TET3: variants seen among roughly 807,000 people sequenced by gnomAD.
TET3 encodes methylcytosine dioxygenase TET3.
Under a neutral mutation model 141.4 loss-of-function variants are expected in TET3, and 19 were observed. The observed-to-expected ratio is 0.13, with a 90% confidence interval of 0.09 to 0.20. TET3 has a LOEUF of 0.20. TET3 is among the 10% of genes least tolerant of loss of function. TET3 has a pLI of 1.00. For synonymous variants in TET3, 1,043 were observed against 980.9 expected (o/e 1.06, Z -1.18); for missense variants, 1,874 against 2,356.9 (o/e 0.80, Z 4.24).
chr2:74,087,775 A>G lies in TET3; in HGVS notation c.2680-55A>G. On this transcript the variant is annotated intron_variant, in intron 6 of 11. Transcript: ENST00000409262. This position sits in a 1 kb window ranked among gnomAD's most constrained non-coding sequence, Gnocchi z 4.3. ...GTGTGACAAAGGGAGGGGTGGCACC[A>G]TGCAGAGGAGCACGGGTACCTGGCT... 6.7e-7 allele frequency: 1 copy of G among 1,491,416 alleles called. No individual in the cohort carries two copies. Among genetic ancestry groups the G allele is most frequent in the Non-Finnish European group, 9.0e-7 (1 of 1,110,030 alleles). The allele number at this position is 1,491,416 out of a possible 1,614,324, so 92.4% of individuals were successfully genotyped here.
chr2:74,036,909 A>G (rs1264398032), intron 3 of TET3, among the ~76,000 whole-genome samples: 1 of 152,192 alleles, frequency 6.6e-6, no homozygotes, highest in Admixed American at 6.5e-5. Context: ...CCAGCCACTG[A>G]CAGATTTGCT....
intron 2 of TET3, among the ~76,000 whole-genome samples, chr2:74,001,307 G>A (rs1305016094): frequency 2.0e-5 from 3 of 152,164 alleles, no homozygotes; most frequent in Non-Finnish European, 4.4e-5. Context: ...GGGTAGGAGA[G>A]CGAATCACTG....
intron 1 of TET3, among the ~76,000 whole-genome samples, 178 bp downstream of exon 1, chr2:73,985,335 T>TGGCGG (rs1248914347): frequency 9.9e-3 from 40 of 4,034 alleles, no homozygotes; most frequent in South Asian, 0.044. Flanking sequence ...CGGGCGGGGG[T>TGGCGG]GGCGGGGCGG....
Position 74,104,344 on chromosome 2 carries a change from T to C in TET3, c.*2168T>C, listed in dbSNP as rs973077069. On this transcript the variant is annotated 3_prime_UTR_variant, in exon 12 of 12. Coordinates refer to ENST00000409262, the MANE Select transcript of TET3 (RefSeq NM_001287491.2). ...TAGAATTATTCAGAACTCAGATTTA[T>C]AGGAAAACCTCTGACCTTCAGTTTG... 1 of 152,192 alleles carries C rather than the reference T, an allele frequency of 6.6e-6. No individual in the cohort carries two copies. The highest frequency in any genetic ancestry group is 2.4e-5 in the African/African-American group (1 of 41,438). 9.4% of individuals were successfully genotyped at this position (152,192 alleles called of 1,614,324 possible).
intron 6 of TET3, among the ~76,000 whole-genome samples, chr2:74,085,799 A>G (rs1169129797): frequency 1.3e-5 from 2 of 152,014 alleles, no homozygotes; most frequent in Non-Finnish European, 2.9e-5. Flanking sequence ...CCCCTGCTCT[A>G]AGGTACCTCA....
intron 3 of TET3, among the ~76,000 whole-genome samples, chr2:74,012,057 C>A (rs920492520): frequency 6.6e-6 from 1 of 152,174 alleles, no homozygotes; most frequent in Non-Finnish European, 1.5e-5. Flanking sequence ...ACTTCCCAGG[C>A]TCAAGCCATC....
Position 74,105,397 on chromosome 2 carries a change from G to T in TET3, c.*3221G>T, listed in dbSNP as rs747263779. The T allele has an allele frequency of 2.5e-6, 1 of 398,418 alleles. No homozygotes were observed. Among genetic ancestry groups the T allele is most frequent in the Non-Finnish European group, 4.4e-6 (1 of 226,060 alleles). 24.7% of individuals were successfully genotyped at this position (398,418 alleles called of 1,614,324 possible). On this transcript the variant is annotated 3_prime_UTR_variant, in exon 12 of 12. Coordinates refer to ENST00000409262, the MANE Select transcript of TET3 (RefSeq NM_001287491.2). The stretch of plus-strand genomic sequence containing the variant: ...CTACGAGATTTTTAAAATAAAAATC[G>T]CTTCGCAGCAGGTTCTCACAAAATA...
chr2:74,088,105 T>C, intron 7 of TET3, 67 bp downstream of exon 7: 1 of 1,483,080 alleles, frequency 6.7e-7, no homozygotes, highest in Non-Finnish European at 9.0e-7. Context: ...TACAGGAGAC[T>C]GCAGGCAACC....
chr2:74,067,569 G>A (rs1422889507), intron 4 of TET3, among the ~76,000 whole-genome samples: 4 of 152,170 alleles, frequency 2.6e-5, no homozygotes, highest in Non-Finnish European at 5.9e-5. Context: ...TAACAATTAT[G>A]TTTTATACAT....
In TET3 at chr2:73,986,580, T is replaced by C; in HGVS notation, c.177T>C (p.Thr59=). 2.4e-6 allele frequency: 3 copies of C among 1,232,202 alleles called. No individual in the cohort carries two copies. Among genetic ancestry groups the C allele is most frequent in the Non-Finnish European group, 3.0e-6 (3 of 988,022 alleles). 76.3% of individuals were successfully genotyped at this position (1,232,202 alleles called of 1,614,324 possible). A position where few individuals can be genotyped will look rare whatever the true frequency, so the allele number is the denominator to read the frequency against. ...DGRKKRKRCG[T]CEPCRRLENC... is the part of the protein sequence containing the mutation. ...GAAAGAAACGGAAACGGTGTGGTAC[T>C]TGTGAGCCCTGCCGGCGGCTGGAAA... Residue 59 remains threonine, a synonymous_variant, in exon 2 of 12, where the codon ACT becomes ACC. Coordinates refer to ENST00000409262, the MANE Select transcript of TET3 (RefSeq NM_001287491.2).
In TET3 at chr2:74,102,448, TCC is replaced by T. The variant is rs3834778; in HGVS notation, c.*280_*281del. On this transcript the variant is annotated 3_prime_UTR_variant, in exon 12 of 12. Transcript: ENST00000409262. ...TCTTAATATTTATATCTCCAAGTTG[TCC>T]CCCCCCCTTGTCTGGGGGGTTTTTA... The T allele has an allele frequency of 1.8e-5, 5 of 279,838 alleles. 1 individual carries two copies. The South Asian group carries it at 5.1e-4, about 28-fold the overall frequency. 17.3% of individuals were successfully genotyped at this position (279,838 alleles called of 1,614,324 possible). A position where few individuals can be genotyped will look rare whatever the true frequency, so the allele number is the denominator to read the frequency against.
chr2:74,015,714 TTAAG>T (rs1390644772), intron 3 of TET3, among the ~76,000 whole-genome samples: 12 of 152,326 alleles, frequency 7.9e-5, no homozygotes, highest in Admixed American at 2.6e-4. Context: ...TTTTGGTTAC[TTAAG>T]TGTTTGTATA....
chr2:74,119,116 G>C, the TET3 span, among the ~76,000 whole-genome samples: 2 of 152,152 alleles, frequency 1.3e-5, no homozygotes, highest in Non-Finnish European at 2.9e-5. Context: ...AGCACTTTGG[G>C]AGGCTGAGGC....
chr2:74,079,974 G>C (rs1689714849), intron 5 of TET3, among the ~76,000 whole-genome samples: 1 of 152,138 alleles, frequency 6.6e-6, no homozygotes, highest in Admixed American at 6.5e-5. Flanking sequence ...CTGTCCAGGG[G>C]AACCTCAGAG....
Position 74,101,767 on chromosome 2 carries a change from A to G in TET3, c.4979A>G (p.His1660Arg). The change falls in exon 12 of 12, where the codon CAC (histidine) becomes CGC (arginine). Residue 1660 changes from histidine to arginine, a missense_variant. Physicochemically the swap from His to Arg is conservative, Grantham distance 29. Around this residue, in one of 10 missense-constraint regions of TET3, gnomAD observed 41 missense variants for 116.8 expected, o/e 0.35. Coordinates refer to ENST00000409262, the MANE Select transcript of TET3 (RefSeq NM_001287491.2). This position sits in a 1 kb window ranked among gnomAD's most constrained non-coding sequence, Gnocchi z 8.5. Reference sequence around the variant, plus strand: ...GGCGGCGTGGCCGTGGCCCCAGCCCACGGCTCCATCCTCATCGAGTGTGCC... The same window carrying G: ...GGCGGCGTGGCCGTGGCCCCAGCCCGCGGCTCCATCCTCATCGAGTGTGCC... Reference protein sequence around the residue: ...NIGGVAVAPAHGSILIECARR... With the variant: ...NIGGVAVAPARGSILIECARR... The G allele has an allele frequency of 6.2e-7, 1 of 1,613,138 alleles. No homozygotes were observed. Among genetic ancestry groups the G allele is most frequent in the Non-Finnish European group, 8.5e-7 (1 of 1,179,868 alleles).
the TET3 span, chr2:74,122,279 G>C: frequency 6.6e-6 from 1 of 151,678 alleles, no homozygotes; most frequent in African/African-American, 2.4e-5. Flanking sequence ...TTGAAGGCAG[G>C]CTCACACAAT....
upstream of TET3, among the ~76,000 whole-genome samples, chr2:73,984,807 G>C (rs1312542189): frequency 3.4e-5 from 5 of 148,214 alleles, no homozygotes; most frequent in African/African-American, 7.3e-5. The surrounding 1 kb of genome is among the most constrained non-coding windows in gnomAD (Gnocchi z 5.6). Context: ...CGCCCGGCCC[G>C]GGGCCCGGCC....
At chr2:74,127,184 C>T in the TET3 span, among the ~76,000 whole-genome samples, 4 of 152,180 alleles carry the variant, frequency 2.6e-5, no homozygotes, top group African/African-American at 7.2e-5. Context: ...GCAGAAGGGA[C>T]GGACTCATGC....
intron 4 of TET3, among the ~76,000 whole-genome samples, chr2:74,056,589 C>T (rs1688230633): frequency 6.6e-6 from 1 of 152,040 alleles, no homozygotes; most frequent in Non-Finnish European, 1.5e-5. Context: ...CAAAACAAGA[C>T]ATAAAATAGA....
Sources: allele counts gnomAD v4.1 joint callset (sites outside exome capture counted in the v4.1 genomes callset), GRCh38; gene constraint gnomAD v4.1.1; regional missense constraint gnomAD v4.1.1; non-coding constraint Gnocchi (gnomAD v3.1); transcripts MANE v1.5; gene names NCBI Gene and HGNC (gene_info 2026-07-23, HGNC 2026-07-21).